Variants in P4HA1 observed in about 807,000 individuals in gnomAD.
The protein encoded by P4HA1 is prolyl 4-hydroxylase subunit alpha 1.
In P4HA1, 24 loss-of-function variants were observed where a neutral mutation model predicts 72.8. The ratio of observed to expected loss-of-function variants is 0.33; its 90% confidence interval spans 0.24 to 0.46. The LOEUF is 0.46. Among genes scored for constraint, P4HA1 ranks in the 20% least tolerant of loss-of-function variants. The probability of loss-of-function intolerance (pLI) is 1.00; values close to 1 mark genes in which losing one functional copy is unlikely to be tolerated. For synonymous variants in P4HA1, 201 were observed against 218.8 expected (o/e 0.92, Z 0.72); for missense variants, 446 against 640.6 (o/e 0.70, Z 3.28).
chr10:73,090,088 C>T (rs1023751963), intron 1 of P4HA1, among the ~76,000 whole-genome samples: 1 of 152,008 alleles, frequency 6.6e-6, no homozygotes, highest in African/African-American at 2.4e-5. Context: ...CCTGCCTCGG[C>T]CCCCCAGAGT....
At chr10:73,034,977 C>G (rs909460659) in intron 9 of P4HA1, among the ~76,000 whole-genome samples, 3 of 152,070 alleles carry the variant, frequency 2.0e-5, no homozygotes, top group African/African-American at 7.2e-5. Context: ...TCTATATATA[C>G]CACATGTTTA....
chr10:73,013,766 C>T (rs1406379901), intron 12 of P4HA1, among the ~76,000 whole-genome samples: 1 of 152,096 alleles, frequency 6.6e-6, no homozygotes, highest in Non-Finnish European at 1.5e-5. Flanking sequence ...GCTATTTCTT[C>T]ATCTTAGTAC....
intron 9 of P4HA1, among the ~76,000 whole-genome samples, chr10:73,031,595 C>T (rs1335860559): frequency 2.6e-5 from 4 of 151,436 alleles, no homozygotes; most frequent in African/African-American, 7.3e-5. Flanking sequence ...ATAGACAAAT[C>T]AATAGATAAT....
chr10:73,068,843 T>C lies in P4HA1; in HGVS notation c.463+3A>G. ...ATTTTATAGAATGGAAGAATGATCT[T>C]ACCTGGAAGATTACCCTTTGAGATG... On this transcript the variant is annotated splice_donor_region_variant and intron_variant, in intron 5 of 14. Coordinates refer to ENST00000394890, the MANE Select transcript of P4HA1 (RefSeq NM_001017962.3). 6.2e-7 allele frequency: 1 copy of C among 1,610,940 alleles called. No individual in the cohort carries two copies.
At chr10:73,093,134 A>G (rs1311640953) in intron 1 of P4HA1, among the ~76,000 whole-genome samples, 1 of 151,962 alleles carries the variant, frequency 6.6e-6, no homozygotes, top group Non-Finnish European at 1.5e-5. Flanking sequence ...AAAAAAAAAA[A>G]AAAGAGAGAG....
intron 9 of P4HA1, among the ~76,000 whole-genome samples, chr10:73,041,544 C>A (rs989386628): frequency 2.8e-5 from 4 of 143,790 alleles, no homozygotes; most frequent in Admixed American, 6.7e-5. Context: ...CTCCATCCCC[C>A]CCCCAAAAAA....
chr10:73,060,631 T>C (rs1384946269), intron 5 of P4HA1, among the ~76,000 whole-genome samples: 1 of 152,102 alleles, frequency 6.6e-6, no homozygotes, highest in Non-Finnish European at 1.5e-5. Flanking sequence ...AAATGCCTAG[T>C]TCCTACTCTG....
chr10:73,018,821 C>CT (rs2133042331), intron 10 of P4HA1, among the ~76,000 whole-genome samples: 1 of 152,254 alleles, frequency 6.6e-6, no homozygotes, highest in East Asian at 1.9e-4. Context: ...ACCTGACACT[C>CT]TTTTCCCAAG....
intron 5 of P4HA1, among the ~76,000 whole-genome samples, chr10:73,066,886 C>T (rs537747253): frequency 6.6e-6 from 1 of 152,212 alleles, no homozygotes; most frequent in Non-Finnish European, 1.5e-5. Flanking sequence ...CTAAGACATC[C>T]GTAGCCATGC....
intron 10 of P4HA1, among the ~76,000 whole-genome samples, chr10:73,027,807 T>C (rs1303330113): frequency 3.0e-5 from 3 of 101,018 alleles, no homozygotes; most frequent in East Asian, 3.2e-4. Flanking sequence ...GAAGGAAATA[T>C]GGAAGGAAGG....
chr10:73,072,015 C>G lies in P4HA1; in HGVS notation c.325+14G>C. On this transcript the variant is annotated intron_variant, in intron 4 of 14. Transcript: ENST00000394890. ...TGGCAATATTACCTTACTCAGGAATCTCTTCAGACTTACCATCTGACATAT... is the reference window on the plus strand; with the variant it reads ...TGGCAATATTACCTTACTCAGGAATGTCTTCAGACTTACCATCTGACATAT... 6.3e-7 allele frequency: 1 copy of G among 1,588,378 alleles called. No individual in the cohort carries two copies. Among genetic ancestry groups the G allele is most frequent in the South Asian group, 1.1e-5 (1 of 88,632 alleles).
chr10:73,089,520 T>C (rs1170004452), intron 1 of P4HA1, among the ~76,000 whole-genome samples: 1 of 152,100 alleles, frequency 6.6e-6, no homozygotes, highest in Non-Finnish European at 1.5e-5. Context: ...TGTACATGAA[T>C]GCTCATAGCA....
chr10:73,048,424 C>T (rs962083509), intron 7 of P4HA1, among the ~76,000 whole-genome samples: 19 of 152,040 alleles, frequency 1.2e-4, no homozygotes, highest in African/African-American at 1.7e-4. Flanking sequence ...CCACCATGCT[C>T]GGCTAACTTT....
chr10:73,013,512 T>A (rs1410350948), intron 12 of P4HA1, among the ~76,000 whole-genome samples: 1 of 152,196 alleles, frequency 6.6e-6, no homozygotes, highest in Non-Finnish European at 1.5e-5. Flanking sequence ...ATGTCAGATT[T>A]GGAGCAGGAA....
chr10:73,054,208 CAT>C (rs1361892984), intron 5 of P4HA1, among the ~76,000 whole-genome samples: 2 of 152,152 alleles, frequency 1.3e-5, no homozygotes, highest in Non-Finnish European at 2.9e-5. Context: ...GCCCGGCCAC[CAT>C]ATGAGATATA....
intron 5 of P4HA1, among the ~76,000 whole-genome samples, chr10:73,061,690 CAA>C (rs906697944): frequency 6.6e-6 from 1 of 152,002 alleles, no homozygotes; most frequent in Admixed American, 6.6e-5. Flanking sequence ...CACTTGAGCC[CAA>C]GAGTTCAAGG....
intron 5 of P4HA1, among the ~76,000 whole-genome samples, chr10:73,055,817 TCTTA>T (rs1418612298): frequency 6.6e-6 from 1 of 152,250 alleles, no homozygotes; most frequent in African/African-American, 2.4e-5. Context: ...TTTATTGAGG[TCTTA>T]CTATCTGCCA....
chr10:73,081,830 C>T (rs1380891937), intron 1 of P4HA1, among the ~76,000 whole-genome samples: 4 of 152,144 alleles, frequency 2.6e-5, no homozygotes, highest in Non-Finnish European at 5.9e-5. Context: ...GTCAGGAGTT[C>T]GAGACCAGCC....
At chr10:73,029,092 C>CAT (rs1308723020) in intron 10 of P4HA1, among the ~76,000 whole-genome samples, 10 of 151,766 alleles carry the variant, frequency 6.6e-5, no homozygotes, top group Non-Finnish European at 1.3e-4. Context: ...TTATGAGCTG[C>CAT]ATATTGACTG....
Sources: allele counts gnomAD v4.1 joint callset (sites outside exome capture counted in the v4.1 genomes callset), GRCh38; gene constraint gnomAD v4.1.1; transcripts MANE v1.5; gene names NCBI Gene and HGNC (gene_info 2026-07-23, HGNC 2026-07-21).